The following PREX1 variants were observed in gnomAD, a reference collection of about 807,000 sequenced individuals.
The protein encoded by PREX1 is phosphatidylinositol 3,4,5-trisphosphate-dependent Rac exchanger 1 protein.
Under a neutral mutation model 198.3 loss-of-function variants are expected in PREX1, and 41 were observed. The ratio of observed to expected loss-of-function variants is 0.21; its 90% CI spans 0.16 to 0.27. The LOEUF (loss-of-function observed/expected upper bound fraction) is 0.27. Among genes scored for constraint, PREX1 ranks in the 10% least tolerant of loss-of-function variants. The pLI is 1.00. For synonymous variants in PREX1, 843 were observed against 887.2 expected, an observed-to-expected ratio of 0.95 and a Z score of 0.89; for missense variants, 1,620 against 2,200.7, an observed-to-expected ratio of 0.74 and a Z score of 5.28.
chr20:48,768,363 C>G (rs868457315), intron 1 of PREX1, among the ~76,000 whole-genome samples: 1 of 152,158 alleles, frequency 6.6e-6, no homozygotes, highest in Admixed American at 6.5e-5. Flanking sequence ...TGCTAACACA[C>G]GCAGCAAACT....
the PREX1 span, among the ~76,000 whole-genome samples, chr20:48,877,694 T>C: frequency 6.6e-6 from 1 of 152,188 alleles, no homozygotes; most frequent in Non-Finnish European, 1.5e-5. Flanking sequence ...AATAAAACAT[T>C]TTACATTTGA....
At chr20:48,692,630 A>T in intron 8 of PREX1, 42 bp downstream of exon 8, 1 of 1,462,438 alleles carries the variant, frequency 6.8e-7, no homozygotes. Context: ...GGGAGCAGGC[A>T]GGGCTCAGGC....
the PREX1 span, among the ~76,000 whole-genome samples, chr20:48,866,178 C>T: frequency 3.3e-5 from 5 of 152,140 alleles, no homozygotes; most frequent in African/African-American, 1.2e-4. Flanking sequence ...TCTCAAACTC[C>T]TGGCCTCAAG....
chr20:48,644,237 G>A (rs2089435085), intron 27 of PREX1, among the ~76,000 whole-genome samples, 172 bp downstream of exon 27: 1 of 152,170 alleles, frequency 6.6e-6, no homozygotes, highest in South Asian at 2.1e-4. Context: ...CACATAATAT[G>A]GGCTCAAGAA....
intron 1 of PREX1, among the ~76,000 whole-genome samples, chr20:48,772,932 A>C (rs2090243482): frequency 6.6e-6 from 1 of 152,220 alleles, no homozygotes; most frequent in Non-Finnish European, 1.5e-5. Flanking sequence ...GTAAGAGAGG[A>C]CCTGTAAAGT....
At chr20:48,685,639 A>G (rs760837888) in intron 10 of PREX1, among the ~76,000 whole-genome samples, 13 of 152,238 alleles carry the variant, frequency 8.5e-5, no homozygotes, top group Admixed American at 2.6e-4. Context: ...TGATAAAGAC[A>G]AATCAGGCCA....
Position 48,651,065 on chromosome 20 carries a change from T to G in PREX1, c.2656-10A>C. 1 of 1,613,624 alleles carries G rather than the reference T, an allele frequency of 6.2e-7. No homozygotes were observed. Among genetic ancestry groups the G allele is most frequent in the Admixed American group, 1.7e-5 (1 of 60,010 alleles). ...CAAAGGCCTCGAGGATCTGCAGAAATGTCAACAGCTACTGAGCATTCCCTG... is the reference window on the plus strand; with the variant it reads ...CAAAGGCCTCGAGGATCTGCAGAAAGGTCAACAGCTACTGAGCATTCCCTG... On this transcript the variant is annotated splice_polypyrimidine_tract_variant and intron_variant, in intron 22 of 39. Coordinates refer to ENST00000371941, the MANE Select transcript of PREX1 (RefSeq NM_020820.4).
chr20:48,882,310 G>A, the PREX1 span, among the ~76,000 whole-genome samples: 1 of 151,748 alleles, frequency 6.6e-6, no homozygotes. Context: ...AGACCATCCT[G>A]GCTAACACGG....
intron 13 of PREX1, among the ~76,000 whole-genome samples, chr20:48,676,881 A>G (rs1018390561): frequency 6.6e-6 from 1 of 152,200 alleles, no homozygotes; most frequent in African/African-American, 2.4e-5. Flanking sequence ...GGTGTGGTCT[A>G]TCAGGGCCGA....
At position 48,714,409 on chromosome 20, in the gene PREX1, A is replaced by T. The variant is rs76693371; in HGVS notation, c.622-5988T>A. Among the ~76,000 whole-genome samples the T allele has an allele frequency of 2.3e-3, 356 of 152,354 alleles. 3 individuals are homozygous for T. The highest frequency in any genetic ancestry group is 8.2e-3 in the African/African-American group (341 of 41,562). The stretch of plus-strand genomic sequence containing the variant: ...CCCAGAATATGTAAAGAACCCTTAC[A>T]ACTTAACAACAAAAAGATAAATAAT... On this transcript the variant is annotated intron_variant, in intron 5 of 39. Coordinates refer to ENST00000371941, the MANE Select transcript of PREX1 (RefSeq NM_020820.4).
chr20:48,768,511 T>C (rs577109413), intron 1 of PREX1, among the ~76,000 whole-genome samples: 1 of 152,270 alleles, frequency 6.6e-6, no homozygotes, highest in South Asian at 2.1e-4. Context: ...AAGCCGTCAC[T>C]CGGCCGGGCC....
chr20:48,836,857 C>T, the PREX1 span, among the ~76,000 whole-genome samples: 1 of 143,434 alleles, frequency 7.0e-6, no homozygotes, highest in South Asian at 2.3e-4. Context: ...GGAGCGAGAT[C>T]GCACCACTGC....
At chr20:48,749,950 C>T (rs1317975758) in intron 1 of PREX1, among the ~76,000 whole-genome samples, 1 of 151,926 alleles carries the variant, frequency 6.6e-6, no homozygotes, top group Non-Finnish European at 1.5e-5. Flanking sequence ...GCCTGGACTT[C>T]TCCCCTGAAA....
At chr20:48,873,031 T>C in the PREX1 span, among the ~76,000 whole-genome samples, 1 of 148,226 alleles carries the variant, frequency 6.7e-6, no homozygotes, top group Non-Finnish European at 1.5e-5. Flanking sequence ...TCTCATTTAT[T>C]TCTTGCTCAT....
the PREX1 span, among the ~76,000 whole-genome samples, chr20:48,880,222 G>A: frequency 6.6e-6 from 1 of 152,160 alleles, no homozygotes; most frequent in Non-Finnish European, 1.5e-5. Flanking sequence ...GACTCAAAGT[G>A]GTTTATACAA....
At chr20:48,882,397 G>A in the PREX1 span, among the ~76,000 whole-genome samples, 1 of 149,972 alleles carries the variant, frequency 6.7e-6, no homozygotes, top group Non-Finnish European at 1.5e-5. Context: ...AGCTACTCGG[G>A]AGGTTGAGGC....
At chr20:48,699,658 T>A (rs2089864277) in intron 7 of PREX1, among the ~76,000 whole-genome samples, 1 of 152,112 alleles carries the variant, frequency 6.6e-6, no homozygotes, top group South Asian at 2.1e-4. Flanking sequence ...CAATTGGCCA[T>A]CCATCTACTA....
intron 5 of PREX1, among the ~76,000 whole-genome samples, chr20:48,725,034 G>A (rs1321499922): frequency 6.6e-6 from 1 of 152,198 alleles, no homozygotes; most frequent in East Asian, 1.9e-4. Flanking sequence ...CCACGGCTGC[G>A]CACAGCAAAG....
chr20:48,722,217 C>T (rs2089989381), intron 5 of PREX1, among the ~76,000 whole-genome samples: 1 of 152,212 alleles, frequency 6.6e-6, no homozygotes, highest in Non-Finnish European at 1.5e-5. Flanking sequence ...AAATGTCCAT[C>T]AGCTAATGAG....
Sources: gnomAD v4.1 joint callset for allele counts (sites outside exome capture counted in the v4.1 genomes callset) on GRCh38, gnomAD v4.1.1 for gene constraint, MANE v1.5 for transcripts, NCBI Gene and HGNC (gene_info 2026-07-23, HGNC 2026-07-21) for gene names.